MAP4K3: variants seen among roughly 807,000 people sequenced by gnomAD.
MAP4K3 encodes mitogen-activated protein kinase kinase kinase kinase 3, also known as MAPK/ERK kinase kinase kinase 3.
A neutral mutation model predicts 143.5 loss-of-function variants in MAP4K3; 94 were observed. That is an observed-to-expected ratio of 0.65 (90% CI 0.55 to 0.78). The LOEUF (loss-of-function observed/expected upper bound fraction) is 0.78. MAP4K3 is among the 30% of genes least tolerant of loss of function. The pLI is 0.00. For missense variants in MAP4K3, 1,077 were observed against 1,068.1 expected (o/e 1.01, Z -0.12); for synonymous variants, 416 against 347.2 (o/e 1.20, Z -2.20).
At chr2:39,273,977 G>C (rs550027275) in intron 24 of MAP4K3, among the ~76,000 whole-genome samples, 65 of 152,224 alleles carry the variant, frequency 4.3e-4, no homozygotes, top group Non-Finnish European at 8.1e-4. Flanking sequence ...ATTTAATTCA[G>C]TGTTGAACTG....
At chr2:39,257,692 G>A (rs1042436051) in intron 31 of MAP4K3, among the ~76,000 whole-genome samples, 7 of 151,100 alleles carry the variant, frequency 4.6e-5, no homozygotes, top group Admixed American at 1.3e-4. Flanking sequence ...CCAGCTACTC[G>A]GGAGACTGAG....
intron 1 of MAP4K3, among the ~76,000 whole-genome samples, chr2:39,401,422 A>T (rs1206552937): frequency 6.6e-6 from 1 of 152,174 alleles, no homozygotes; most frequent in Non-Finnish European, 1.5e-5. Flanking sequence ...CAGGTAGAAT[A>T]CTCAGAAGAA....
intron 2 of MAP4K3, among the ~76,000 whole-genome samples, chr2:39,359,351 G>A (rs752496431): frequency 6.6e-6 from 1 of 152,164 alleles, no homozygotes; most frequent in Non-Finnish European, 1.5e-5. Context: ...ATAACAAGAG[G>A]TGGACTCCCA....
intron 1 of MAP4K3, among the ~76,000 whole-genome samples, chr2:39,381,432 T>C (rs1487457206): frequency 6.6e-6 from 1 of 152,242 alleles, no homozygotes; most frequent in East Asian, 1.9e-4. Context: ...CCATTCTACA[T>C]GCTTTCATTT....
chr2:39,322,651 T>C lies in MAP4K3; in HGVS notation c.918+2867A>G, dbSNP rs1047896365. Among the ~76,000 whole-genome samples, 3 of 150,750 alleles carry C rather than the reference T, an allele frequency of 2.0e-5. No homozygotes were observed. In the East Asian group the frequency reaches 5.8e-4, roughly 29 times the overall value. ...ATATATAGATAAATACACATATATA[T>C]ATATTTTTCTTTTTCTATTTTTTGT... On this transcript the variant is annotated intron_variant, in intron 12 of 33. Transcript: ENST00000263881.
At chr2:39,264,525 T>C (rs192732479) in intron 28 of MAP4K3, among the ~76,000 whole-genome samples, 1 of 152,292 alleles carries the variant, frequency 6.6e-6, no homozygotes, top group African/African-American at 2.4e-5. Flanking sequence ...TCCAGCTATA[T>C]TCCGACTCTA....
intron 15 of MAP4K3, 58 bp downstream of exon 15, chr2:39,307,885 A>G: frequency 7.6e-7 from 1 of 1,322,274 alleles, no homozygotes; most frequent in Non-Finnish European, 1.0e-6. Context: ...TTGATCTTAA[A>G]AGAAAACAAT....
chr2:39,418,055 T>C (rs1281438747), intron 1 of MAP4K3, among the ~76,000 whole-genome samples: 2 of 151,764 alleles, frequency 1.3e-5, no homozygotes, highest in Non-Finnish European at 2.9e-5. Context: ...ATAGAAAAAT[T>C]AGCTGGATGT....
At chr2:39,257,231 C>T (rs1680375969) in intron 31 of MAP4K3, among the ~76,000 whole-genome samples, 1 of 152,134 alleles carries the variant, frequency 6.6e-6, no homozygotes, top group Non-Finnish European at 1.5e-5. Context: ...ATTTTCCCAG[C>T]ACTATCCTAC....
intron 22 of MAP4K3, 83 bp from the exon 23 acceptor site, chr2:39,280,439 A>G: frequency 4.3e-6 from 3 of 699,164 alleles, no homozygotes; most frequent in Non-Finnish European, 7.1e-6. Context: ...ATCTATTTTA[A>G]TGTGAGAGTC....
chr2:39,432,948 G>A (rs576429776), intron 1 of MAP4K3, among the ~76,000 whole-genome samples: 1 of 152,278 alleles, frequency 6.6e-6, no homozygotes, highest in African/African-American at 2.4e-5. Flanking sequence ...TCCAAAGCAT[G>A]TTCTACAAAA....
intron 1 of MAP4K3, among the ~76,000 whole-genome samples, chr2:39,393,978 C>A (rs1280202347): frequency 6.6e-6 from 1 of 152,164 alleles, no homozygotes; most frequent in East Asian, 1.9e-4. Flanking sequence ...GAACGACATA[C>A]ATATGCTTTC....
At chr2:39,337,680 T>C in intron 4 of MAP4K3, 99 bp from the exon 5 acceptor site, 1 of 565,650 alleles carries the variant, frequency 1.8e-6, no homozygotes, top group Non-Finnish European at 3.2e-6. Context: ...TTAATATCCC[T>C]AAACAATTCT....
At position 39,250,607 on chromosome 2, in the gene MAP4K3, CACA is replaced by C. The variant is rs776582643; in HGVS notation, c.*8_*10del. The stretch of plus-strand genomic sequence containing the variant: ...TTCTTTCTAGAGTTAACTGTCAAAG[CACA>C]ACAATTCTCAGTAACTGTTTTCATG... On this transcript the variant is annotated 3_prime_UTR_variant, in exon 34 of 34. Coordinates refer to ENST00000263881, the MANE Select transcript of MAP4K3 (RefSeq NM_003618.4). The C allele has an allele frequency of 1.9e-5, 30 of 1,610,784 alleles. No individual in the cohort carries two copies. Among genetic ancestry groups the C allele is most frequent in the Non-Finnish European group, 2.5e-5 (29 of 1,177,568 alleles).
chr2:39,286,723 T>C lies in MAP4K3; in HGVS notation c.1587+129A>G, dbSNP rs147597571. On this transcript the variant is annotated intron_variant, in intron 21 of 33. Transcript: ENST00000263881. ...AATCTATTCACCATTATAATTAATATACTAAAATATCAATATAGTAATTGT... is the reference window on the plus strand; with the variant it reads ...AATCTATTCACCATTATAATTAATACACTAAAATATCAATATAGTAATTGT... 49 of 423,542 alleles carry C rather than the reference T, an allele frequency of 1.2e-4. No individual in the cohort carries two copies. The East Asian group carries it at 1.5e-3, about 13-fold the overall frequency. The allele number at this position is 423,542 out of a possible 1,614,324, so 26.2% of individuals were successfully genotyped here. A position where few individuals can be genotyped will look rare whatever the true frequency, so the allele number is the denominator to read the frequency against.
chr2:39,395,201 C>G (rs1367987240), intron 1 of MAP4K3, among the ~76,000 whole-genome samples: 1 of 152,060 alleles, frequency 6.6e-6, no homozygotes, highest in Non-Finnish European at 1.5e-5. Context: ...GTGCAATAAA[C>G]CCACCTGCAA....
intron 23 of MAP4K3, among the ~76,000 whole-genome samples, chr2:39,280,022 T>C (rs1468587560): frequency 6.6e-6 from 1 of 152,082 alleles, no homozygotes; most frequent in Non-Finnish European, 1.5e-5. Context: ...TGGAGGAAAC[T>C]AGGGTGGCTC....
intron 2 of MAP4K3, among the ~76,000 whole-genome samples, chr2:39,375,970 G>C (rs994212233): frequency 2.0e-5 from 3 of 152,200 alleles, no homozygotes; most frequent in African/African-American, 7.2e-5. Context: ...TCATTCACCA[G>C]TTGATGGGCA....
intron 3 of MAP4K3, among the ~76,000 whole-genome samples, chr2:39,344,499 T>C (rs1158441804): frequency 1.3e-5 from 2 of 152,270 alleles, no homozygotes; most frequent in Non-Finnish European, 2.9e-5. Flanking sequence ...ACAGTCATAC[T>C]CATTTATTTC....
Sources: allele counts gnomAD v4.1 joint callset (sites outside exome capture counted in the v4.1 genomes callset), GRCh38; gene constraint gnomAD v4.1.1; transcripts MANE v1.5; gene names NCBI Gene and HGNC (gene_info 2026-07-23, HGNC 2026-07-21).